GALNT2: variants seen among roughly 807,000 people sequenced by gnomAD.
GALNT2 encodes the protein polypeptide N-acetylgalactosaminyltransferase 2.
In GALNT2, 31 loss-of-function variants were observed where a neutral mutation model predicts 81.4. The ratio of observed to expected loss-of-function variants is 0.38; its 90% CI spans 0.29 to 0.51. The LOEUF is 0.51. Among genes scored for constraint, GALNT2 ranks in the 20% least tolerant of loss-of-function variants. GALNT2 has a pLI of 0.87. For missense variants in GALNT2, 629 were observed against 765.7 expected (o/e 0.82, Z 2.11); for synonymous variants, 303 against 287.4 (o/e 1.05, Z -0.55).
intron 1 of GALNT2, among the ~76,000 whole-genome samples, chr1:230,081,853 G>A (rs1219611768): frequency 6.6e-6 from 1 of 152,240 alleles, no homozygotes; most frequent in Non-Finnish European, 1.5e-5. Flanking sequence ...GTTAGACCTG[G>A]TTCAGATCCT....
chr1:230,172,955 C>A (rs1662842986), intron 1 of GALNT2, among the ~76,000 whole-genome samples: 1 of 152,184 alleles, frequency 6.6e-6, no homozygotes, highest in African/African-American at 2.4e-5. Context: ...AGACGTCGCT[C>A]AGCCATGGAT....
At chr1:230,198,141 C>T (rs12043969) in intron 2 of GALNT2, among the ~76,000 whole-genome samples, 12,065 of 152,212 alleles carry the variant, frequency 0.079, 991 homozygotes, top group African/African-American at 0.2. Flanking sequence ...GGTCAGCCTC[C>T]GGTACCTTCG....
chr1:230,267,196 A>G (rs1437586633), intron 14 of GALNT2, among the ~76,000 whole-genome samples: 1 of 152,196 alleles, frequency 6.6e-6, no homozygotes, highest in Non-Finnish European at 1.5e-5. Context: ...ATGACTTCAT[A>G]TCATTGATCT....
chr1:230,274,393 C>T, intron 14 of GALNT2, 52 bp from the exon 15 acceptor site: 3 of 1,589,850 alleles, frequency 1.9e-6, no homozygotes, highest in Middle Eastern at 1.7e-4. Flanking sequence ...CCCTTCTTTC[C>T]TTTCACAGCC....
intron 3 of GALNT2, 53 bp downstream of exon 3, chr1:230,203,343 A>G (rs1558138451): frequency 1.9e-6 from 3 of 1,587,444 alleles, no homozygotes; most frequent in East Asian, 4.5e-5. Context: ...CACACAAACC[A>G]GTACGTCGCT....
chr1:230,170,938 G>A (rs1006255963), intron 1 of GALNT2, among the ~76,000 whole-genome samples: 5 of 152,186 alleles, frequency 3.3e-5, no homozygotes, highest in African/African-American at 1.2e-4. Context: ...CATCAGATTT[G>A]GAGGAGACAG....
chr1:230,095,828 G>T lies in GALNT2; in HGVS notation c.126+28422G>T, dbSNP rs74965501. ...AGAAGACGTCCAGGCTGCTCTGCTG[G>T]AGAAAGAAACCGTGTGGGGTTGCCT... On this transcript the variant is annotated intron_variant, in intron 1 of 15. Coordinates refer to ENST00000366672, the MANE Select transcript of GALNT2 (RefSeq NM_004481.5). 1.0e-3 allele frequency among the ~76,000 whole-genome samples: 154 copies of T among 152,350 alleles called. 2 individuals are homozygous for T. The East Asian group carries it at 0.027, about 26-fold the overall frequency.
At position 230,156,526 on chromosome 1, in the gene GALNT2, G is replaced by A. The variant is rs570366821; in HGVS notation, c.127-21692G>A. On this transcript the variant is annotated intron_variant, in intron 1 of 15. Transcript: ENST00000366672. Reference sequence around the variant, plus strand: ...CTAAAATTGATTATTCCTTCATAAAGTTGCCAGCATTTTCAACATGCTTCC... The same window carrying A: ...CTAAAATTGATTATTCCTTCATAAAATTGCCAGCATTTTCAACATGCTTCC... 2.6e-5 allele frequency among the ~76,000 whole-genome samples: 4 copies of A among 152,200 alleles called. No homozygotes were observed. In the South Asian group the frequency reaches 6.2e-4, roughly 24 times the overall value.
intron 2 of GALNT2, among the ~76,000 whole-genome samples, chr1:230,180,187 G>A (rs1488277928): frequency 6.6e-6 from 1 of 152,054 alleles, no homozygotes; most frequent in Non-Finnish European, 1.5e-5. Context: ...CCAAAGTGCT[G>A]GAATTACAGC....
At chr1:230,152,059 C>A (rs559965189) in intron 1 of GALNT2, among the ~76,000 whole-genome samples, 107 of 152,306 alleles carry the variant, frequency 7.0e-4, no homozygotes, top group African/African-American at 2.5e-3. Context: ...GGCTCCTTTA[C>A]TGTAGCCTGT....
chr1:230,110,714 GTTT>G (rs113630188), intron 1 of GALNT2, among the ~76,000 whole-genome samples: 16 of 137,650 alleles, frequency 1.2e-4, no homozygotes, highest in African/African-American at 4.3e-4. Flanking sequence ...GTGCTTTTCT[GTTT>G]TTTTTTTTTT....
intron 1 of GALNT2, among the ~76,000 whole-genome samples, chr1:230,085,369 G>A (rs1310329025): frequency 1.3e-5 from 2 of 152,166 alleles, no homozygotes; most frequent in African/African-American, 2.4e-5. Flanking sequence ...ACAGATGAGC[G>A]AGGCCCTTTG....
intron 1 of GALNT2, among the ~76,000 whole-genome samples, chr1:230,152,567 C>T (rs1662123043): frequency 6.6e-6 from 1 of 152,132 alleles, no homozygotes; most frequent in South Asian, 2.1e-4. Flanking sequence ...TATTTAAATA[C>T]ATGGTTTGGG....
At chr1:230,226,259 C>T (rs1042400666) in intron 3 of GALNT2, among the ~76,000 whole-genome samples, 3 of 152,132 alleles carry the variant, frequency 2.0e-5, no homozygotes, top group African/African-American at 7.2e-5. Flanking sequence ...ATGGGAATGG[C>T]GTAAGCATTT....
At chr1:230,139,842 G>C (rs538108578) in intron 1 of GALNT2, among the ~76,000 whole-genome samples, 33 of 152,316 alleles carry the variant, frequency 2.2e-4, no homozygotes, top group African/African-American at 7.9e-4. Context: ...GCTTTGGGCT[G>C]TTGCGGAAAT....
Position 230,244,100 on chromosome 1 carries a change from G to A in GALNT2, c.729+673G>A, listed in dbSNP as rs1206302582. 2.6e-5 allele frequency among the ~76,000 whole-genome samples: 4 copies of A among 151,706 alleles called. No individual in the cohort carries two copies. In the East Asian group the frequency reaches 7.8e-4, roughly 30 times the overall value. On this transcript the variant is annotated intron_variant, in intron 7 of 15. Coordinates refer to ENST00000366672, the MANE Select transcript of GALNT2 (RefSeq NM_004481.5). ...CCTACTAAGAAAGCACTTCCTTGGG[G>A]GCGATAAAGCAAACTTAATGAAAGG...
chr1:230,140,301 T>C (rs989971620), intron 1 of GALNT2, among the ~76,000 whole-genome samples: 2 of 152,174 alleles, frequency 1.3e-5, no homozygotes, highest in Admixed American at 6.5e-5. Context: ...GCCAGTAGTG[T>C]GTACACAGAC....
chr1:230,146,934 G>C (rs60717701), intron 1 of GALNT2, among the ~76,000 whole-genome samples: 1 of 152,346 alleles, frequency 6.6e-6, no homozygotes, highest in East Asian at 1.9e-4. Flanking sequence ...TCAGATCTCG[G>C]TGTCTGTCCC....
chr1:230,067,333 G>C lies in GALNT2; in HGVS notation c.53G>C (p.Gly18Ala). 7.2e-7 allele frequency: 1 copy of C among 1,390,314 alleles called. No homozygotes were observed. The highest frequency in any genetic ancestry group is 1.5e-5 in the South Asian group (1 of 64,792). The allele number at this position is 1,390,314 out of a possible 1,614,324, so 86.1% of individuals were successfully genotyped here. Residue 18 changes from glycine (G) to alanine (A), a missense_variant, in exon 1 of 16, where the codon GGC (glycine) becomes GCC (alanine). This residue lies in a region of GALNT2 where 62 missense variants were observed against 47.3 expected (regional missense o/e 1.31). Coordinates refer to ENST00000366672, the MANE Select transcript of GALNT2 (RefSeq NM_004481.5). ...TGCTTCGCCTTCCTGTGGGTGCTGG[G>C]CATCGCCTACTACATGTACTCGGGG... Reference protein sequence around the residue: ...LLCFAFLWVLGIAYYMYSGGG... With the variant: ...LLCFAFLWVLAIAYYMYSGGG...
Sources: allele counts gnomAD v4.1 joint callset (sites outside exome capture counted in the v4.1 genomes callset), GRCh38; gene constraint gnomAD v4.1.1; regional missense constraint gnomAD v4.1.1; transcripts MANE v1.5; gene names NCBI Gene and HGNC (gene_info 2026-07-23, HGNC 2026-07-21).